The following MEIS2 variants were observed in gnomAD, a reference collection of about 807,000 sequenced individuals.
The protein encoded by MEIS2 is Meis homeobox 2.
In MEIS2, 9 loss-of-function variants were observed where a neutral mutation model predicts 58.6. That is an observed-to-expected ratio of 0.15 (90% CI 0.09 to 0.27). MEIS2 has a LOEUF of 0.27. MEIS2 is among the 10% of genes least tolerant of loss of function. MEIS2 has a pLI of 1.00. For missense variants in MEIS2, 427 were observed against 635.0 expected (o/e 0.67, Z 3.52); for synonymous variants, 221 against 228.4 (o/e 0.97, Z 0.29).
chr15:36,920,727 A>G (rs1340276520), intron 9 of MEIS2, among the ~76,000 whole-genome samples: 5 of 152,206 alleles, frequency 3.3e-5, no homozygotes, highest in Admixed American at 1.3e-4. Flanking sequence ...TATGAGAACT[A>G]TACTCTCTGA....
chr15:37,057,445 C>G (rs1021393037), intron 7 of MEIS2, among the ~76,000 whole-genome samples: 1 of 152,104 alleles, frequency 6.6e-6, no homozygotes, highest in Non-Finnish European at 1.5e-5. Context: ...GTTTTGCTGG[C>G]CTTTGTGCTG....
At chr15:37,000,778 G>A (rs1366484712) in intron 8 of MEIS2, among the ~76,000 whole-genome samples, 2 of 152,006 alleles carry the variant, frequency 1.3e-5, no homozygotes, top group Admixed American at 6.6e-5. Flanking sequence ...AAACGTGCAT[G>A]AGCATACCGT....
chr15:37,068,302 G>A (rs562885676), intron 7 of MEIS2, among the ~76,000 whole-genome samples: 1 of 152,278 alleles, frequency 6.6e-6, no homozygotes, highest in East Asian at 1.9e-4. Context: ...CTCAAGCCAT[G>A]ACTTTGTATC....
At chr15:37,058,955 TAAAAG>T (rs1049552668) in intron 7 of MEIS2, among the ~76,000 whole-genome samples, 1 of 152,082 alleles carries the variant, frequency 6.6e-6, no homozygotes, top group Non-Finnish European at 1.5e-5. Context: ...AAAAATGATC[TAAAAG>T]AAAAGACTGT....
chr15:36,934,629 G>C (rs1307832366), intron 9 of MEIS2, among the ~76,000 whole-genome samples: 1 of 152,148 alleles, frequency 6.6e-6, no homozygotes, highest in African/African-American at 2.4e-5. Flanking sequence ...TGTGATGTTT[G>C]TTATGCTTCA....
intron 8 of MEIS2, among the ~76,000 whole-genome samples, chr15:37,019,393 A>G (rs28510933): frequency 0.26 from 40,076 of 152,060 alleles, 6,176 homozygotes; most frequent in Non-Finnish European, 0.34. Flanking sequence ...CTTTTTGTCT[A>G]CCACCCCTGT....
chr15:37,002,869 C>G (rs1351173183), intron 8 of MEIS2, among the ~76,000 whole-genome samples: 2 of 152,090 alleles, frequency 1.3e-5, no homozygotes, highest in East Asian at 3.9e-4. Context: ...TATTTGCTTT[C>G]AATTGGAAGA....
chr15:37,054,397 C>T (rs1427179057), intron 7 of MEIS2, among the ~76,000 whole-genome samples: 1 of 152,088 alleles, frequency 6.6e-6, no homozygotes, highest in African/African-American at 2.4e-5. Flanking sequence ...GGAGACTTTG[C>T]ATGTTTTTAA....
At chr15:36,920,129 T>C (rs762873218) in intron 9 of MEIS2, among the ~76,000 whole-genome samples, 3,432 of 149,680 alleles carry the variant, frequency 0.023, 68 homozygotes, top group Non-Finnish European at 0.032. Flanking sequence ...TTTATTTATT[T>C]ATTTATTTAT....
At chr15:36,929,797 G>A (rs2057899523) in intron 9 of MEIS2, among the ~76,000 whole-genome samples, 1 of 152,146 alleles carries the variant, frequency 6.6e-6, no homozygotes, top group South Asian at 2.1e-4. Context: ...TACTTGATGT[G>A]GGCTAATATT....
In MEIS2 at chr15:36,978,717, C is replaced by T. The variant is rs192199253; in HGVS notation, c.901-28317G>A. 5.5e-3 allele frequency among the ~76,000 whole-genome samples: 836 copies of T among 152,290 alleles called. 7 individuals are homozygous for T. Among genetic ancestry groups the T allele is most frequent in the South Asian group, 0.027 (128 of 4,826 alleles). On this transcript the variant is annotated intron_variant, in intron 8 of 11. Transcript: ENST00000561208. ...TGTATCTTTTACAAAAAAATCGGCT[C>T]ATACTGCATATACTCTTTTCTAACT...
chr15:36,969,129 G>A (rs750230858), intron 8 of MEIS2, among the ~76,000 whole-genome samples: 55 of 152,254 alleles, frequency 3.6e-4, no homozygotes, highest in Admixed American at 2.8e-3. Context: ...TTCCTAATGG[G>A]ACATTGTTGT....
chr15:37,088,102 G>A (rs1567282407), intron 6 of MEIS2, among the ~76,000 whole-genome samples: 1 of 152,144 alleles, frequency 6.6e-6, no homozygotes, highest in Admixed American at 6.5e-5. Context: ...CACCAGTCAG[G>A]TGAACTTAAG....
At chr15:37,086,234 T>A (rs1321687494) in intron 6 of MEIS2, among the ~76,000 whole-genome samples, 1 of 152,208 alleles carries the variant, frequency 6.6e-6, no homozygotes, top group Non-Finnish European at 1.5e-5. Flanking sequence ...TAATCGTTTA[T>A]ATGAAGCCGG....
At chr15:36,894,734 A>G (rs745894211) in intron 11 of MEIS2, 1 of 1,613,322 alleles carries the variant, frequency 6.2e-7, no homozygotes, top group Admixed American at 1.7e-5. Flanking sequence ...TTGCTTTGCG[A>G]TTGCTTTACA....
chr15:36,981,210 T>C (rs924975530), intron 8 of MEIS2, among the ~76,000 whole-genome samples: 1 of 152,160 alleles, frequency 6.6e-6, no homozygotes, highest in African/African-American at 2.4e-5. Flanking sequence ...GATTTTATCT[T>C]TTTATTACAT....
chr15:37,052,466 T>A (rs547136409), intron 7 of MEIS2, among the ~76,000 whole-genome samples: 158 of 152,266 alleles, frequency 1.0e-3, no homozygotes, highest in African/African-American at 3.5e-3. Context: ...TGAACTCAAG[T>A]CCATGCTCTC....
At chr15:36,898,872 G>A (rs1206733037) in intron 9 of MEIS2, 3 of 152,252 alleles carry the variant, frequency 2.0e-5, no homozygotes, top group Non-Finnish European at 4.4e-5. Flanking sequence ...CTGTGAGCTA[G>A]CAGGTCTTTA....
intron 3 of MEIS2, 98 bp downstream of exon 3, chr15:37,096,191 G>A: frequency 7.6e-7 from 1 of 1,316,446 alleles, no homozygotes; most frequent in African/African-American, 1.5e-5. Flanking sequence ...GGAACAGATA[G>A]GGTGTCCCTG....
Sources: gnomAD v4.1 joint callset for allele counts (sites outside exome capture counted in the v4.1 genomes callset) on GRCh38, gnomAD v4.1.1 for gene constraint, MANE v1.5 for transcripts, NCBI Gene and HGNC (gene_info 2026-07-23, HGNC 2026-07-21) for gene names.